Variants in NEGR1 observed in about 807,000 individuals in gnomAD.
NEGR1 encodes the protein neuronal growth regulator 1.
A neutral mutation model predicts 40.9 loss-of-function variants in NEGR1; 10 were observed. The observed-to-expected ratio is 0.24, with a 90% CI of 0.15 to 0.42. NEGR1 has a LOEUF of 0.42. NEGR1 is among the 10% of genes least tolerant of loss of function. The probability of loss-of-function intolerance (pLI) is 1.00; values close to 1 mark genes in which losing one functional copy is unlikely to be tolerated. For missense variants in NEGR1, 352 were observed against 438.9 expected, an observed-to-expected ratio of 0.80 and a Z score of 1.77; for synonymous variants, 185 against 166.8, an observed-to-expected ratio of 1.11 and a Z score of -0.84.
intron 6 of NEGR1, among the ~76,000 whole-genome samples, chr1:71,438,237 C>T (rs1646522464): frequency 6.6e-6 from 1 of 152,152 alleles, no homozygotes; most frequent in Non-Finnish European, 1.5e-5. Context: ...GTTCTGATAT[C>T]TGGGGCTGGC....
intron 1 of NEGR1, among the ~76,000 whole-genome samples, chr1:72,136,018 A>T (rs1257339235): frequency 6.6e-6 from 1 of 152,184 alleles, no homozygotes; most frequent in Non-Finnish European, 1.5e-5. Flanking sequence ...TTTCCAAGTA[A>T]CTAAAGTACT....
At chr1:71,452,307 G>A (rs754930109) in intron 6 of NEGR1, among the ~76,000 whole-genome samples, 9 of 152,114 alleles carry the variant, frequency 5.9e-5, no homozygotes, top group South Asian at 2.1e-4. Flanking sequence ...TATCTTAGGG[G>A]TTTTCTTTTG....
At chr1:71,508,405 C>T (rs1249842161) in intron 6 of NEGR1, among the ~76,000 whole-genome samples, 1 of 152,140 alleles carries the variant, frequency 6.6e-6, no homozygotes, top group African/African-American at 2.4e-5. Context: ...GAAAAATCTA[C>T]AAAGAAAACA....
chr1:71,794,374 C>T (rs1657238672), intron 2 of NEGR1: 1 of 151,952 alleles, frequency 6.6e-6, no homozygotes, highest in African/African-American at 2.4e-5. Context: ...ATTCTCAATG[C>T]TAATTATAAA....
rs554687763 is a variant in NEGR1 at position 71,707,304 on chromosome 1, T to C, written c.536-9165A>G. Among the ~76,000 whole-genome samples, 8 of 152,216 alleles carry C rather than the reference T, an allele frequency of 5.3e-5. No individual in the cohort carries two copies. The East Asian group carries it at 1.6e-3, about 30-fold the overall frequency. On this transcript the variant is annotated intron_variant, in intron 3 of 6. Coordinates refer to ENST00000357731, the MANE Select transcript of NEGR1 (RefSeq NM_173808.3). ...TGGTGAGTTCCAGGTCAGGCAGCAT[T>C]CACACAAGCTGACCTAAGATACTTT...
chr1:71,831,818 C>T (rs78183175), intron 2 of NEGR1, among the ~76,000 whole-genome samples: 3 of 149,620 alleles, frequency 2.0e-5, no homozygotes, highest in South Asian at 4.2e-4. Flanking sequence ...AAAAAAAAAA[C>T]GCAATGAGGC....
chr1:71,418,894 ACT>A (rs1032456964), intron 6 of NEGR1, among the ~76,000 whole-genome samples: 1 of 151,856 alleles, frequency 6.6e-6, no homozygotes, highest in Non-Finnish European at 1.5e-5. Flanking sequence ...ATAAATAATT[ACT>A]CTTTTTATTT....
At chr1:71,758,991 G>T (rs1655840037) in intron 3 of NEGR1, among the ~76,000 whole-genome samples, 1 of 152,138 alleles carries the variant, frequency 6.6e-6, no homozygotes, top group Non-Finnish European at 1.5e-5. Flanking sequence ...TTAACATCAT[G>T]CTGTTTTTCT....
At chr1:71,649,998 G>T (rs1221559548) in intron 4 of NEGR1, among the ~76,000 whole-genome samples, 1 of 151,974 alleles carries the variant, frequency 6.6e-6, no homozygotes, top group Non-Finnish European at 1.5e-5. Flanking sequence ...GAAAATACAG[G>T]AATTATACTC....
At chr1:71,991,475 C>G (rs2100358977) in intron 1 of NEGR1, among the ~76,000 whole-genome samples, 1 of 152,258 alleles carries the variant, frequency 6.6e-6, no homozygotes, top group Non-Finnish European at 1.5e-5. Context: ...CGTATTTTGG[C>G]TAATGCTGTA....
intron 3 of NEGR1, among the ~76,000 whole-genome samples, chr1:71,736,444 A>C (rs1209797378): frequency 1.3e-5 from 2 of 152,136 alleles, no homozygotes; most frequent in African/African-American, 4.8e-5. Flanking sequence ...TTACCATTTA[A>C]AATGTATTTT....
Position 72,239,199 on chromosome 1 carries a change from T to C in NEGR1, c.176+43120A>G, listed in dbSNP as rs1362513864. ...TTTGAAACAGAAACTACAGTTTTGA[T>C]ATAAGGAGAATAGACTTCTGAAATT... On this transcript the variant is annotated intron_variant, in intron 1 of 6. Coordinates refer to ENST00000357731, the MANE Select transcript of NEGR1 (RefSeq NM_173808.3). 3.3e-5 allele frequency among the ~76,000 whole-genome samples: 5 copies of C among 151,874 alleles called. No individual in the cohort carries two copies. The Admixed American group carries it at 3.3e-4, about 10-fold the overall frequency.
intron 2 of NEGR1, among the ~76,000 whole-genome samples, chr1:71,849,993 C>G (rs1244244761): frequency 6.6e-6 from 1 of 152,022 alleles, no homozygotes; most frequent in Non-Finnish European, 1.5e-5. Context: ...TTACAGTGGT[C>G]TGGAAACAAA....
At chr1:71,938,461 A>G (rs1397009055) in intron 1 of NEGR1, among the ~76,000 whole-genome samples, 1 of 148,610 alleles carries the variant, frequency 6.7e-6, no homozygotes, top group African/African-American at 2.5e-5. Context: ...GAGAATAAGA[A>G]CTATGTCTTC....
intron 1 of NEGR1, among the ~76,000 whole-genome samples, chr1:72,125,734 T>C (rs1336245569): frequency 6.6e-6 from 1 of 152,160 alleles, no homozygotes; most frequent in African/African-American, 2.4e-5. Flanking sequence ...TTGAACATTT[T>C]TGTATTTCTC....
intron 1 of NEGR1, among the ~76,000 whole-genome samples, chr1:72,026,619 C>T (rs773574360): frequency 2.6e-5 from 4 of 152,210 alleles, no homozygotes; most frequent in Admixed American, 6.5e-5. Flanking sequence ...GATTTGGCTT[C>T]TTCTGACCCT....
intron 6 of NEGR1, among the ~76,000 whole-genome samples, chr1:71,512,270 G>A (rs1647079479): frequency 6.6e-6 from 1 of 151,690 alleles, no homozygotes; most frequent in Admixed American, 6.6e-5. Context: ...CACCCCTACA[G>A]TTTACTTAAA....
At chr1:72,162,530 G>T (rs993511371) in intron 1 of NEGR1, among the ~76,000 whole-genome samples, 10 of 151,980 alleles carry the variant, frequency 6.6e-5, no homozygotes, top group African/African-American at 2.4e-4. Context: ...TTACACCATT[G>T]CCCTAAGTTC....
At chr1:71,976,462 G>A (rs1034291507) in intron 1 of NEGR1, among the ~76,000 whole-genome samples, 1 of 152,176 alleles carries the variant, frequency 6.6e-6, no homozygotes, top group Admixed American at 6.5e-5. Context: ...GGAATACATT[G>A]GATTCAGATG....
Sources: allele counts gnomAD v4.1 joint callset (sites outside exome capture counted in the v4.1 genomes callset), GRCh38; gene constraint gnomAD v4.1.1; transcripts MANE v1.5; gene names NCBI Gene and HGNC (gene_info 2026-07-23, HGNC 2026-07-21).